JADE2: variants seen among roughly 807,000 people sequenced by gnomAD.
JADE2 encodes E3 ubiquitin-protein ligase Jade-2.
In JADE2, 13 loss-of-function variants were observed where a neutral mutation model predicts 85.7. The observed-to-expected ratio is 0.15, with a 90% confidence interval of 0.10 to 0.24. The LOEUF (loss-of-function observed/expected upper bound fraction) is 0.24, where lower values mean the gene tolerates loss of function less well. Among genes scored for constraint, JADE2 ranks in the 10% least tolerant of loss-of-function variants. JADE2 has a pLI of 1.00. For missense variants in JADE2, 846 were observed against 1,115.9 expected (o/e 0.76, Z 3.45); for synonymous variants, 440 against 456.1 (o/e 0.96, Z 0.45).
chr5:134,573,812 C>A, intron 10 of JADE2, 50 bp downstream of exon 10: 1 of 1,151,840 alleles, frequency 8.7e-7, no homozygotes, highest in Non-Finnish European at 1.3e-6. Flanking sequence ...CCCTCTCTTG[C>A]GGGGCTGGGT....
intron 9 of JADE2, among the ~76,000 whole-genome samples, chr5:134,569,455 C>T (rs1052393861): frequency 5.9e-5 from 9 of 152,232 alleles, no homozygotes; most frequent in Non-Finnish European, 1.2e-4. Flanking sequence ...CCCCAGCGGA[C>T]GCTCGGAAGG....
chr5:134,526,957 C>T (rs943581891), intron 1 of JADE2, among the ~76,000 whole-genome samples: 1 of 152,180 alleles, frequency 6.6e-6, no homozygotes. Context: ...CTTCTCCCAA[C>T]TCTGCCGGTT....
rs1764639880 is a variant in JADE2 at position 134,580,308 on chromosome 5, C to G, written c.*991C>G. On this transcript the variant is annotated 3_prime_UTR_variant, in exon 12 of 12. Coordinates refer to ENST00000681547, the MANE Select transcript of JADE2 (RefSeq NM_001388185.1). ...CCGTGGTTTCCTTTTGGAAACTCCT[C>G]CTTCCAACAAGCAGTGGGATCCCGG... The G allele has an allele frequency of 6.5e-6, 1 of 152,742 alleles. No homozygotes were observed. The allele number at this position is 152,742 out of a possible 1,614,324, so 9.5% of individuals were successfully genotyped here. A position where few individuals can be genotyped will look rare whatever the true frequency, so the allele number is the denominator to read the frequency against.
intron 8 of JADE2, among the ~76,000 whole-genome samples, chr5:134,565,789 C>G (rs1319861675): frequency 6.7e-6 from 1 of 150,234 alleles, no homozygotes; most frequent in African/African-American, 2.5e-5. Context: ...GATGGAACCA[C>G]TGCACTCCAG....
chr5:134,578,807 A>G lies in JADE2; in HGVS notation c.1995A>G (p.Pro665=). The change falls in exon 12 of 12, where the codon CCA becomes CCG. Residue 665 remains proline (P), a synonymous_variant. Transcript: ENST00000681547. The surrounding 1 kb of genome is among the most constrained non-coding windows in gnomAD (Gnocchi z 4.4). ...PQDGPGSRTT[P]DKAPKKTWGQ... is the part of the protein sequence containing the mutation. ...ACGGGCCTGGTTCACGGACGACTCCAGACAAAGCCCCCAAGAAGACCTGGG... is the reference window on the plus strand; with the variant it reads ...ACGGGCCTGGTTCACGGACGACTCCGGACAAAGCCCCCAAGAAGACCTGGG... The G allele has an allele frequency of 1.2e-6, 2 of 1,613,788 alleles. No individual in the cohort carries two copies. Among genetic ancestry groups the G allele is most frequent in the Non-Finnish European group, 1.7e-6 (2 of 1,180,000 alleles).
Position 134,582,047 on chromosome 5 carries a change from C to T in JADE2, c.*2730C>T, listed in dbSNP as rs1432320263. 1 of 152,220 alleles carries T rather than the reference C, an allele frequency of 6.6e-6. No homozygotes were observed. The highest frequency in any genetic ancestry group is 1.5e-5 in the Non-Finnish European group (1 of 68,056). 9.4% of individuals were successfully genotyped at this position (152,220 alleles called of 1,614,324 possible). A position where few individuals can be genotyped will look rare whatever the true frequency, so the allele number is the denominator to read the frequency against. The stretch of plus-strand genomic sequence containing the variant: ...AGGTAGATCTTTCTCTCAACCACAT[C>T]TGCCTCCACACACAGCTCCTCCGCA... On this transcript the variant is annotated 3_prime_UTR_variant, in exon 12 of 12. Coordinates refer to ENST00000681547, the MANE Select transcript of JADE2 (RefSeq NM_001388185.1).
chr5:134,559,318 T>G (rs899783128), intron 4 of JADE2, among the ~76,000 whole-genome samples: 1 of 152,134 alleles, frequency 6.6e-6, no homozygotes, highest in Admixed American at 6.5e-5. Flanking sequence ...TGAGAGTACG[T>G]AGACAACCCC....
chr5:134,543,829 A>G (rs1581415935), intron 3 of JADE2, among the ~76,000 whole-genome samples: 1 of 152,132 alleles, frequency 6.6e-6, no homozygotes, highest in South Asian at 2.1e-4. Context: ...GGCTAGGTTG[A>G]AGGAGAGGGA....
Position 134,559,993 on chromosome 5 carries a change from A to G in JADE2, c.472+3A>G, listed in dbSNP as rs568103937. ...CAACTCGGAGCTTAAGGAGATGGGT[A>G]GGTGACCACTGCATTAAGAATGGGA... On this transcript the variant is annotated splice_donor_region_variant and intron_variant, in intron 5 of 11. Coordinates refer to ENST00000681547, the MANE Select transcript of JADE2 (RefSeq NM_001388185.1). 10 of 1,613,872 alleles carry G rather than the reference A, an allele frequency of 6.2e-6. No individual in the cohort carries two copies. The Admixed American group carries it at 1.3e-4, about 22-fold the overall frequency.
chr5:134,562,557 G>T lies in JADE2; in HGVS notation c.852+190G>T, dbSNP rs1177711303. On this transcript the variant is annotated intron_variant, in intron 7 of 11. Transcript: ENST00000681547. This position sits in a 1 kb window ranked among gnomAD's most constrained non-coding sequence, Gnocchi z 4.6. ...GGAGGCCGAGGTGGGTGGATCACCT[G>T]AGTTCAGGCATTCAAGACCAGCCTG... 6.6e-6 allele frequency among the ~76,000 whole-genome samples: 1 copy of T among 152,192 alleles called. No individual in the cohort carries two copies.
At chr5:134,559,780 C>A (rs370946545) in intron 4 of JADE2, 50 bp from the exon 5 acceptor site, 3 of 1,564,310 alleles carry the variant, frequency 1.9e-6, no homozygotes, top group Admixed American at 1.9e-5. Flanking sequence ...GCCCCTATGG[C>A]GGCAGGCTGA....
In JADE2 at chr5:134,576,744, C is replaced by T. The variant is rs1370647491; in HGVS notation, c.1553-24C>T. On this transcript the variant is annotated intron_variant, in intron 10 of 11. Coordinates refer to ENST00000681547, the MANE Select transcript of JADE2 (RefSeq NM_001388185.1). ...GCCACTCAGGGTAACCATCTCCCTC[C>T]TCCTCTCACTTTCCCTGACACAGAG... 3.9e-6 allele frequency: 6 copies of T among 1,550,482 alleles called. No individual in the cohort carries two copies. In the East Asian group the frequency reaches 1.2e-4, roughly 32 times the overall value.
At chr5:134,537,752 G>T (rs1349488998) in intron 2 of JADE2, among the ~76,000 whole-genome samples, 1 of 152,116 alleles carries the variant, frequency 6.6e-6, no homozygotes, top group Non-Finnish European at 1.5e-5. Flanking sequence ...CTAATACTGA[G>T]CCCCAGTAAC....
chr5:134,554,389 C>CA (rs1226509452), intron 4 of JADE2, among the ~76,000 whole-genome samples: 2 of 152,126 alleles, frequency 1.3e-5, no homozygotes, highest in Non-Finnish European at 2.9e-5. Flanking sequence ...AAGGTCAGGC[C>CA]ACCAGGTGGG....
chr5:134,559,928 A>T lies in JADE2; in HGVS notation c.410A>T (p.Tyr137Phe), dbSNP rs145325630. 1.9e-6 allele frequency: 3 copies of T among 1,614,022 alleles called. No homozygotes were observed. The highest frequency in any genetic ancestry group is 2.5e-6 in the Non-Finnish European group (3 of 1,179,964). Residue 137 changes from tyrosine (Y) to phenylalanine (F), a missense_variant, in exon 5 of 12, where the codon TAT becomes TTT. By Grantham distance (22) the Tyr-to-Phe change is conservative (BLOSUM62 3). Coordinates refer to ENST00000681547, the MANE Select transcript of JADE2 (RefSeq NM_001388185.1). The part of the protein sequence containing the change: ...SQPDWPGGSR[Y>F]DLDEIDAYWL... ...CCTGATTGGCCAGGGGGCAGCCGCTATGACTTGGACGAGATTGATGCCTAC... is the reference window on the plus strand; with the variant it reads ...CCTGATTGGCCAGGGGGCAGCCGCTTTGACTTGGACGAGATTGATGCCTAC...
intron 1 of JADE2, among the ~76,000 whole-genome samples, chr5:134,528,947 C>T (rs1761054396): frequency 6.6e-6 from 1 of 152,188 alleles, no homozygotes; most frequent in Non-Finnish European, 1.5e-5. Context: ...CAGAAATCTC[C>T]ACTTAGCTTT....
At chr5:134,533,222 T>TA (rs1011230914) in intron 1 of JADE2, among the ~76,000 whole-genome samples, 27 of 152,198 alleles carry the variant, frequency 1.8e-4, no homozygotes, top group African/African-American at 6.5e-4. Context: ...TGCCATGGTA[T>TA]TACTATCTGG....
intron 1 of JADE2, among the ~76,000 whole-genome samples, chr5:134,528,590 G>T (rs1449804077): frequency 6.6e-6 from 1 of 152,188 alleles, no homozygotes; most frequent in Non-Finnish European, 1.5e-5. Context: ...ATAATTTATT[G>T]AGCAAGTTTG....
rs563323343 is a variant in JADE2, at chr5:134,552,460, G to GT, written c.311+252dup. On this transcript the variant is annotated intron_variant, in intron 4 of 11. Coordinates refer to ENST00000681547, the MANE Select transcript of JADE2 (RefSeq NM_001388185.1). ...GCGTTCCTGTTGACACTCATATTCAGTGTGGCCTTAGACCAGAAATGTAAT... is the reference window on the plus strand; with the variant it reads ...GCGTTCCTGTTGACACTCATATTCAGTTGTGGCCTTAGACCAGAAATGTAAT... 2.9e-3 allele frequency among the ~76,000 whole-genome samples: 436 copies of GT among 152,340 alleles called. 1 individual carries two copies. Among genetic ancestry groups the GT allele is most frequent in the Middle Eastern group, 0.014 (4 of 294 alleles).
Sources: allele counts gnomAD v4.1 joint callset (sites outside exome capture counted in the v4.1 genomes callset), GRCh38; gene constraint gnomAD v4.1.1; non-coding constraint Gnocchi (gnomAD v3.1); transcripts MANE v1.5; gene names NCBI Gene and HGNC (gene_info 2026-07-23, HGNC 2026-07-21).